The following PHLPP1 variants were observed in gnomAD, a reference collection of about 807,000 sequenced individuals.
PHLPP1 encodes the protein PH domain leucine-rich repeat-containing protein phosphatase 1.
A neutral mutation model predicts 117.2 loss-of-function variants in PHLPP1; 42 were observed. That is an observed-to-expected ratio of 0.36 (90% confidence interval 0.28 to 0.46). PHLPP1 has a LOEUF of 0.46. PHLPP1 is among the 20% of genes least tolerant of loss of function. The probability of loss-of-function intolerance (pLI) is 1.00; values close to 1 mark genes in which losing one functional copy is unlikely to be tolerated. For synonymous variants in PHLPP1, 1,042 were observed against 970.7 expected (o/e 1.07, Z -1.37); for missense variants, 2,084 against 2,241.9 (o/e 0.93, Z 1.42).
At chr18:62,971,372 T>A (rs1279633196) in intron 14 of PHLPP1, among the ~76,000 whole-genome samples, 1 of 152,124 alleles carries the variant, frequency 6.6e-6, no homozygotes, top group African/African-American at 2.4e-5. Context: ...TTTTTTTTTT[T>A]TCCCAGTCTT....
chr18:62,954,403 CT>C (rs1297788497), intron 12 of PHLPP1, among the ~76,000 whole-genome samples: 1 of 152,090 alleles, frequency 6.6e-6, no homozygotes, highest in Non-Finnish European at 1.5e-5. Flanking sequence ...TATAAAGGGT[CT>C]TTTTTTATTC....
At chr18:62,965,773 G>T (rs1245663894) in intron 14 of PHLPP1, among the ~76,000 whole-genome samples, 1 of 148,186 alleles carries the variant, frequency 6.7e-6, no homozygotes, top group African/African-American at 2.5e-5. Flanking sequence ...CTCTTCTTTA[G>T]GTTAAAAACC....
At chr18:62,894,503 T>C (rs180823255) in intron 4 of PHLPP1, among the ~76,000 whole-genome samples, 20 of 152,330 alleles carry the variant, frequency 1.3e-4, no homozygotes, top group African/African-American at 3.6e-4. Context: ...AGCTGATAAT[T>C]GGTTCTTAAA....
chr18:62,766,104 A>ATATATATATATATAT (rs1289379653), intron 1 of PHLPP1, among the ~76,000 whole-genome samples: 11 of 40,980 alleles, frequency 2.7e-4, no homozygotes, highest in Non-Finnish European at 4.4e-4. Context: ...TATATATATA[A>ATATATATATATATAT]AATATATATA....
intron 1 of PHLPP1, among the ~76,000 whole-genome samples, chr18:62,817,542 A>G (rs1914319620): frequency 6.6e-6 from 1 of 152,122 alleles, no homozygotes; most frequent in Non-Finnish European, 1.5e-5. Context: ...AGATACAGTA[A>G]TTGATTACCA....
At chr18:62,848,798 C>CTTAGATA (rs1259170746) in intron 3 of PHLPP1, among the ~76,000 whole-genome samples, 1 of 152,046 alleles carries the variant, frequency 6.6e-6, no homozygotes, top group Non-Finnish European at 1.5e-5. Flanking sequence ...GATAATATGT[C>CTTAGATA]TTAGATATTA....
At chr18:62,947,600 A>G (rs1910336806) in intron 12 of PHLPP1, among the ~76,000 whole-genome samples, 1 of 152,196 alleles carries the variant, frequency 6.6e-6, no homozygotes, top group Non-Finnish European at 1.5e-5. Flanking sequence ...CACAAGAGAA[A>G]GTGAGAGTCT....
chr18:62,739,934 A>C (rs1367693023), intron 1 of PHLPP1, among the ~76,000 whole-genome samples: 1 of 152,182 alleles, frequency 6.6e-6, no homozygotes, highest in African/African-American at 2.4e-5. Context: ...TTCATGAGTG[A>C]TTTCAACTAC....
At chr18:62,832,538 C>G (rs1475151605) in intron 2 of PHLPP1, among the ~76,000 whole-genome samples, 1 of 152,200 alleles carries the variant, frequency 6.6e-6, no homozygotes, top group East Asian at 1.9e-4. Flanking sequence ...TTTCCCAGGT[C>G]TGTTACTGGA....
intron 1 of PHLPP1, among the ~76,000 whole-genome samples, chr18:62,773,565 G>A (rs1912860508): frequency 6.6e-6 from 1 of 152,162 alleles, no homozygotes; most frequent in South Asian, 2.1e-4. Context: ...TTTTTAGGGA[G>A]GTTAATTTCC....
chr18:62,746,824 C>G (rs556881994), intron 1 of PHLPP1, among the ~76,000 whole-genome samples: 1 of 151,332 alleles, frequency 6.6e-6, no homozygotes, highest in Non-Finnish European at 1.5e-5. Context: ...AAAAAGTTTG[C>G]TGGTGCATAG....
At chr18:62,804,312 G>A (rs912676344) in intron 1 of PHLPP1, among the ~76,000 whole-genome samples, 1 of 152,152 alleles carries the variant, frequency 6.6e-6, no homozygotes, top group Non-Finnish European at 1.5e-5. Flanking sequence ...TACGATTTAT[G>A]ATGAGATTTG....
At chr18:62,802,672 G>A (rs1274464662) in intron 1 of PHLPP1, among the ~76,000 whole-genome samples, 1 of 152,142 alleles carries the variant, frequency 6.6e-6, no homozygotes, top group Non-Finnish European at 1.5e-5. Context: ...AAACACATAT[G>A]TACATGTTTT....
At chr18:62,807,680 G>A (rs947481921) in intron 1 of PHLPP1, among the ~76,000 whole-genome samples, 36 of 152,284 alleles carry the variant, frequency 2.4e-4, no homozygotes, top group African/African-American at 7.7e-4. Context: ...CCTGTGCAGC[G>A]TGTTACTGTA....
intron 4 of PHLPP1, among the ~76,000 whole-genome samples, chr18:62,888,948 A>G (rs1198817038): frequency 6.6e-6 from 1 of 152,130 alleles, no homozygotes; most frequent in Non-Finnish European, 1.5e-5. Flanking sequence ...ACTCATTCCA[A>G]ATACTCGAGG....
In PHLPP1 at chr18:62,860,606, G is replaced by A; in HGVS notation, c.2066+5G>A. 6.2e-7 allele frequency: 1 copy of A among 1,610,156 alleles called. No homozygotes were observed. Among genetic ancestry groups the A allele is most frequent in the African/African-American group, 1.3e-5 (1 of 74,986 alleles). The stretch of plus-strand genomic sequence containing the variant: ...GGGGCTTAATGAACTGCAAAGGTAA[G>A]CCTGCAGAAATGGGTAGATCATTAG... On this transcript the variant is annotated splice_donor_5th_base_variant and intron_variant, in intron 4 of 16. Coordinates refer to ENST00000262719, the MANE Select transcript of PHLPP1 (RefSeq NM_194449.4).
At chr18:62,766,083 A>ATATATATATATATATATAT (rs1912500732) in intron 1 of PHLPP1, among the ~76,000 whole-genome samples, 1 of 61,116 alleles carries the variant, frequency 1.6e-5, no homozygotes, top group Admixed American at 1.6e-4. Flanking sequence ...AAAAATATAT[A>ATATATATATATATATATAT]TATATATATA....
intron 1 of PHLPP1, among the ~76,000 whole-genome samples, chr18:62,786,754 A>G (rs924881983): frequency 6.6e-6 from 1 of 152,222 alleles, no homozygotes; most frequent in Admixed American, 6.5e-5. Context: ...TAAAAGGTTC[A>G]CAGTCTGCTC....
chr18:62,808,745 G>T (rs1312381251), intron 1 of PHLPP1, among the ~76,000 whole-genome samples: 3 of 151,990 alleles, frequency 2.0e-5, no homozygotes, highest in Non-Finnish European at 4.4e-5. Context: ...GTAGAGACGG[G>T]ATTTCTCCAT....
Sources: gnomAD v4.1 joint callset for allele counts (sites outside exome capture counted in the v4.1 genomes callset) on GRCh38, gnomAD v4.1.1 for gene constraint, MANE v1.5 for transcripts, NCBI Gene and HGNC (gene_info 2026-07-23, HGNC 2026-07-21) for gene names.